The following PDGFRL variants were observed in gnomAD, a reference collection of about 807,000 sequenced individuals.
PDGFRL encodes platelet-derived growth factor receptor-like protein.
PDGFRL carries 46 observed loss-of-function variants against 37.2 expected under a neutral mutation model. The observed-to-expected ratio is 1.24, with a 90% CI of 0.98 to 1.58. The LOEUF is 1.58. PDGFRL is among the 40% of genes most tolerant of loss of function. The pLI is 0.00. For missense variants in PDGFRL, 692 were observed against 467.6 expected, an observed-to-expected ratio of 1.48 and a Z score of -4.43; for synonymous variants, 251 against 184.3, an observed-to-expected ratio of 1.36 and a Z score of -2.93.
chr8:17,590,770 T>G (rs1803919922), intron 2 of PDGFRL, among the ~76,000 whole-genome samples: 2 of 152,168 alleles, frequency 1.3e-5, no homozygotes, highest in African/African-American at 4.8e-5. Flanking sequence ...TTATGTTGTT[T>G]TTTTAAGTAA....
chr8:17,580,048 T>C (rs1248210832), intron 1 of PDGFRL, among the ~76,000 whole-genome samples: 1 of 152,206 alleles, frequency 6.6e-6, no homozygotes, highest in Non-Finnish European at 1.5e-5. Flanking sequence ...CATATTTTTA[T>C]TGAATGTCAG....
intron 3 of PDGFRL, among the ~76,000 whole-genome samples, chr8:17,627,665 G>A (rs1322032176): frequency 6.6e-5 from 10 of 150,774 alleles, no homozygotes; most frequent in Non-Finnish European, 1.2e-4. Context: ...TAGTTGAGAC[G>A]GGGTTTCACC....
intron 2 of PDGFRL, among the ~76,000 whole-genome samples, chr8:17,603,264 A>G (rs555593621): frequency 1.3e-5 from 2 of 152,298 alleles, no homozygotes; most frequent in South Asian, 4.1e-4. Context: ...TGGGATTACA[A>G]GCATGAGCCA....
rs188767646 is a variant in PDGFRL at position 17,600,767 on chromosome 8, G to T, written c.353+11002G>T. 1.1e-3 allele frequency among the ~76,000 whole-genome samples: 168 copies of T among 150,042 alleles called. 3 individuals carry two copies. Among genetic ancestry groups the T allele is most frequent in the Middle Eastern group, 6.9e-3 (2 of 290 alleles). ...GTAGTGAACTATGATCTGTGACTGT[G>T]CTCCAGCCTGGGCAACAGAGCAAGA... On this transcript the variant is annotated intron_variant, in intron 2 of 5. Transcript: ENST00000251630.
At chr8:17,639,208 C>T (rs1367604848) in intron 5 of PDGFRL, among the ~76,000 whole-genome samples, 1 of 152,022 alleles carries the variant, frequency 6.6e-6, no homozygotes, top group Non-Finnish European at 1.5e-5. Flanking sequence ...TGACTTCTTA[C>T]CCATTCTGCC....
chr8:17,608,315 C>T (rs2517198), intron 2 of PDGFRL, among the ~76,000 whole-genome samples: 105,558 of 152,018 alleles, frequency 0.69, 37,932 homozygotes, highest in East Asian at 0.84. Flanking sequence ...GCTCACCCTT[C>T]CCTGTAACAG....
intron 5 of PDGFRL, among the ~76,000 whole-genome samples, chr8:17,638,261 T>C (rs1026513933): frequency 6.6e-6 from 1 of 152,168 alleles, no homozygotes; most frequent in African/African-American, 2.4e-5. Flanking sequence ...TTCATTCAGT[T>C]CAAATAATTT....
chr8:17,632,444 G>A (rs111648370), intron 4 of PDGFRL, among the ~76,000 whole-genome samples: 25 of 151,956 alleles, frequency 1.6e-4, no homozygotes, highest in African/African-American at 4.6e-4. Context: ...GGGCTCGAGG[G>A]ATTCTCCTGT....
At chr8:17,612,617 T>C (rs61541081) in intron 2 of PDGFRL, among the ~76,000 whole-genome samples, 27,734 of 152,132 alleles carry the variant, frequency 0.18, 2,630 homozygotes, top group South Asian at 0.23. Context: ...GTGATCCACC[T>C]ACCTCGGCCT....
At chr8:17,601,273 C>G (rs531302260) in intron 2 of PDGFRL, among the ~76,000 whole-genome samples, 2 of 152,314 alleles carry the variant, frequency 1.3e-5, no homozygotes, top group South Asian at 4.1e-4. Flanking sequence ...CCAGCACAGT[C>G]TCCAGCATGC....
rs747810956 is a variant in PDGFRL, at chr8:17,642,655, C to A, written c.982C>A (p.His328Asn). The change falls in exon 6 of 6, where the codon CAC (histidine) becomes AAC (asparagine). Residue 328 changes from histidine to asparagine, a missense_variant. By Grantham distance (68) the His-to-Asn change is moderately conservative. Coordinates refer to ENST00000251630, the MANE Select transcript of PDGFRL (RefSeq NM_001372073.1). ...GATCCAAGACACTTGGAGGTTGATC[C>A]ACAGAGGACTGGGACACACCACGAG... is the stretch of plus-strand genomic sequence containing the variant. Reference protein sequence around the residue: ...VTIQDTWRLIHRGLGHTTRIS... With the variant: ...VTIQDTWRLINRGLGHTTRIS... The A allele has an allele frequency of 6.2e-7, 1 of 1,610,402 alleles. No individual in the cohort carries two copies. Among genetic ancestry groups the A allele is most frequent in the South Asian group, 1.1e-5 (1 of 91,012 alleles).
intron 2 of PDGFRL, among the ~76,000 whole-genome samples, chr8:17,600,802 T>TAA (rs764849189): frequency 0.012 from 1,481 of 128,450 alleles, 26 homozygotes; most frequent in African/African-American, 0.043. Flanking sequence ...ACCCCATCTC[T>TAA]AAAAAAAAAA....
At chr8:17,588,658 G>C (rs1241931226) in intron 1 of PDGFRL, among the ~76,000 whole-genome samples, 1 of 152,178 alleles carries the variant, frequency 6.6e-6, no homozygotes, top group East Asian at 1.9e-4. Flanking sequence ...GGGTGACAGA[G>C]TGAGATTCCG....
chr8:17,635,197 G>T (rs1425396426), intron 5 of PDGFRL, among the ~76,000 whole-genome samples: 3 of 152,090 alleles, frequency 2.0e-5, no homozygotes, highest in African/African-American at 7.2e-5. Flanking sequence ...ACGTGAATAA[G>T]TTCCTTAGAT....
chr8:17,578,709 C>T (rs553941781), intron 1 of PDGFRL, among the ~76,000 whole-genome samples: 6 of 152,168 alleles, frequency 3.9e-5, no homozygotes, highest in Non-Finnish European at 7.3e-5. Flanking sequence ...AAATTGACTT[C>T]CATTCTGCCT....
In PDGFRL at chr8:17,643,052, C is replaced by A. The variant is rs1425736726; in HGVS notation, c.*251C>A. 2 of 383,266 alleles carry A rather than the reference C, an allele frequency of 5.2e-6. No homozygotes were observed. The highest frequency in any genetic ancestry group is 2.1e-5 in the African/African-American group (1 of 48,084). 23.7% of individuals were successfully genotyped at this position (383,266 alleles called of 1,614,324 possible). ...TACATACGTGTTCCTAGTTTTTATA[C>A]ATGTGTAAACAATTTTATATAATCA... On this transcript the variant is annotated 3_prime_UTR_variant, in exon 6 of 6. Transcript: ENST00000251630.
Position 17,602,107 on chromosome 8 carries a change from A to T in PDGFRL, c.353+12342A>T, listed in dbSNP as rs150121339. ...AGTATGTAAACTTCCCCTTTCCTCC[A>T]TGACCTTGACGGCATCTGTTATTTT... On this transcript the variant is annotated intron_variant, in intron 2 of 5. Coordinates refer to ENST00000251630, the MANE Select transcript of PDGFRL (RefSeq NM_001372073.1). Among the ~76,000 whole-genome samples, 7 of 152,250 alleles carry T rather than the reference A, an allele frequency of 4.6e-5. No individual in the cohort carries two copies. The East Asian group carries it at 1.4e-3, about 29-fold the overall frequency.
intron 2 of PDGFRL, among the ~76,000 whole-genome samples, chr8:17,600,752 A>G (rs1804149159): frequency 6.6e-6 from 1 of 151,620 alleles, no homozygotes; most frequent in South Asian, 2.1e-4. Flanking sequence ...GTAGTGAACT[A>G]TGATCTGTGA....
intron 2 of PDGFRL, among the ~76,000 whole-genome samples, chr8:17,616,175 T>TATTC (rs1437249851): frequency 1.1e-5 from 1 of 87,744 alleles, no homozygotes; most frequent in Admixed American, 1.3e-4. Flanking sequence ...TGTTATTATT[T>TATTC]ATTTATTTAT....
Sources: gnomAD v4.1 joint callset for allele counts (sites outside exome capture counted in the v4.1 genomes callset) on GRCh38, gnomAD v4.1.1 for gene constraint, MANE v1.5 for transcripts, NCBI Gene and HGNC (gene_info 2026-07-23, HGNC 2026-07-21) for gene names.